The following ADGRE3 variants were observed in gnomAD, a reference collection of about 807,000 sequenced individuals.
ADGRE3 encodes the protein EGF-like module receptor 3.
In ADGRE3, 88 loss-of-function variants were observed where a neutral mutation model predicts 80.1. The observed-to-expected ratio is 1.10, with a 90% CI of 0.93 to 1.31. ADGRE3 has a LOEUF of 1.31. ADGRE3 is among the 40% of genes most tolerant of loss of function. The pLI, the probability that ADGRE3 is intolerant of heterozygous loss-of-function variation, is 0.00. For missense variants in ADGRE3, 715 were observed against 776.5 expected (o/e 0.92, Z 0.94); for synonymous variants, 281 against 294.8 (o/e 0.95, Z 0.48).
At chr19:14,663,153 A>G (rs961895767) in intron 3 of ADGRE3, among the ~76,000 whole-genome samples, 4 of 151,698 alleles carry the variant, frequency 2.6e-5, no homozygotes, top group African/African-American at 9.7e-5. Context: ...TAAGCGCCCC[A>G]CACCATGCCC....
At chr19:14,643,001 G>C (rs1220465530) in intron 9 of ADGRE3, among the ~76,000 whole-genome samples, 1 of 152,062 alleles carries the variant, frequency 6.6e-6, no homozygotes, top group African/African-American at 2.4e-5. Flanking sequence ...TTGAGAAAGT[G>C]ACATGCTGCT....
chr19:14,600,122 C>T, the ADGRE3 span: 1 of 1,613,978 alleles, frequency 6.2e-7, no homozygotes, highest in South Asian at 1.1e-5. Context: ...GGGATGAGGC[C>T]CGGATGTTCT....
At chr19:14,660,605 C>T (rs967917205) in intron 4 of ADGRE3, among the ~76,000 whole-genome samples, 21 of 148,172 alleles carry the variant, frequency 1.4e-4, no homozygotes, top group African/African-American at 4.9e-4. Context: ...GCCTGGGTGA[C>T]AGAGTGAGAC....
In ADGRE3 at chr19:14,633,714, AAAAT is replaced by A. The variant is rs1568479517; in HGVS notation, c.1485-416_1485-413del. On this transcript the variant is annotated intron_variant, in intron 11 of 15. Coordinates refer to ENST00000253673, the MANE Select transcript of ADGRE3 (RefSeq NM_032571.5). ...ACTGAGACTCCGTCTCAAAAAAAAT[AAAAT>A]AAAATAAAATAAAATAAAATAAAAT... 4.1e-3 allele frequency among the ~76,000 whole-genome samples: 422 copies of A among 102,760 alleles called. 21 individuals carry two copies. The highest frequency in any genetic ancestry group is 0.02 in the African/African-American group (408 of 20,356). The allele number at this position is 102,760 out of a possible 152,430, so 67.4% of individuals were successfully genotyped here.
At position 14,665,936 on chromosome 19, in the gene ADGRE3, GTATATATATATATATA is replaced by G. The variant is rs71309616; in HGVS notation, c.77-2412_77-2397del. The stretch of plus-strand genomic sequence containing the variant: ...ATATATTGCATATACACACATATGT[GTATATATATATATATA>G]TATATATATATATATATATATATAT... On this transcript the variant is annotated intron_variant, in intron 2 of 15. Transcript: ENST00000253673. Among the ~76,000 whole-genome samples the G allele has an allele frequency of 1.2e-3, 52 of 42,104 alleles. 3 individuals carry two copies. The highest frequency in any genetic ancestry group is 5.6e-3 in the South Asian group (7 of 1,246). The allele number at this position is 42,104 out of a possible 152,430, so 27.6% of individuals were successfully genotyped here.
At chr19:14,664,444 A>G (rs1972037588) in intron 2 of ADGRE3, among the ~76,000 whole-genome samples, 1 of 152,090 alleles carries the variant, frequency 6.6e-6, no homozygotes, top group Non-Finnish European at 1.5e-5. Flanking sequence ...GCCTGTTGAC[A>G]TCTGTAATTC....
downstream of ADGRE3, among the ~76,000 whole-genome samples, chr19:14,617,041 C>A (rs535855040): frequency 6.6e-6 from 1 of 151,792 alleles, no homozygotes; most frequent in South Asian, 2.1e-4. Context: ...GTGAACCACC[C>A]GCCTTGGCCT....
the ADGRE3 span, among the ~76,000 whole-genome samples, chr19:14,607,400 T>TCACC: frequency 2.7e-3 from 405 of 151,874 alleles, 1 homozygote; most frequent in African/African-American, 9.3e-3. Context: ...AGACGGGGTT[T>TCACC]CACCGTGTTA....
chr19:14,613,395 A>AT, the ADGRE3 span, among the ~76,000 whole-genome samples: 61,583 of 143,596 alleles, frequency 0.43, 13,307 homozygotes, highest in Non-Finnish European at 0.48. Context: ...GCTAATTTTA[A>AT]TTTTTTTTTT....
rs760970194 is a variant in ADGRE3, at chr19:14,647,239, C to G, written c.824G>C (p.Gly275Ala). 3.1e-6 allele frequency: 5 copies of G among 1,613,938 alleles called. No individual in the cohort carries two copies. The highest frequency in any genetic ancestry group is 3.4e-6 in the Non-Finnish European group (4 of 1,179,952). Residue 275 changes from glycine to alanine, a missense_variant, in exon 8 of 16, where the codon GGA (glycine) becomes GCA (alanine). Gly to Ala is a moderately conservative substitution (Grantham distance 60, BLOSUM62 0). Transcript: ENST00000253673. Reference protein sequence around the residue: ...LNSQVVSAAIGPKRNVSLSKS... With the variant: ...LNSQVVSAAIAPKRNVSLSKS... ...GGAGAGAGACACGTTCCTTTTGGGT[C>G]CAATAGCAGCACTCACAACCTGAGA...
chr19:14,636,338 G>C (rs915848293), intron 11 of ADGRE3, among the ~76,000 whole-genome samples: 1 of 149,504 alleles, frequency 6.7e-6, no homozygotes, highest in Admixed American at 6.8e-5. Flanking sequence ...TCCTGCTTCA[G>C]CTTCCTAAGT....
At chr19:14,627,536 C>A (rs536375675) in intron 14 of ADGRE3, among the ~76,000 whole-genome samples, 2 of 152,084 alleles carry the variant, frequency 1.3e-5, no homozygotes, top group Non-Finnish European at 2.9e-5. Context: ...TGCCACCACT[C>A]TCGGCTAATG....
At chr19:14,620,282 C>T (rs886938184) in intron 15 of ADGRE3, among the ~76,000 whole-genome samples, 1 of 151,320 alleles carries the variant, frequency 6.6e-6, no homozygotes, top group African/African-American at 2.4e-5. Flanking sequence ...AAACTCCTGA[C>T]CTCAAGCGAT....
At chr19:14,615,827 A>G (rs1009465980), downstream of ADGRE3, among the ~76,000 whole-genome samples, 16 of 151,776 alleles carry the variant, frequency 1.1e-4, no homozygotes, top group African/African-American at 3.9e-4. Context: ...TGGTGCAATC[A>G]TAGCTCACTG....
chr19:14,603,725 C>T, the ADGRE3 span, among the ~76,000 whole-genome samples: 20 of 152,186 alleles, frequency 1.3e-4, no homozygotes, highest in Middle Eastern at 3.4e-3. Flanking sequence ...CTTGACCTCC[C>T]GAAGTGCCGG....
intron 14 of ADGRE3, among the ~76,000 whole-genome samples, chr19:14,629,203 C>T (rs190131580): frequency 1.3e-5 from 2 of 152,136 alleles, no homozygotes; most frequent in African/African-American, 2.4e-5. Flanking sequence ...GGATTACAGG[C>T]GTGAGCCACT....
intron 7 of ADGRE3, among the ~76,000 whole-genome samples, chr19:14,650,184 T>A: frequency 7.4e-6 from 1 of 134,490 alleles, no homozygotes; most frequent in Non-Finnish European, 1.6e-5. Context: ...CTCTCCCCCA[T>A]CTCTCTCTTT....
rs562575959 is a variant in ADGRE3, at chr19:14,641,571, C to T, written c.1096G>A (p.Val366Ile). 76 of 1,614,172 alleles carry T rather than the reference C, an allele frequency of 4.7e-5. 1 individual carries two copies. The highest frequency in any genetic ancestry group is 1.6e-4 in the East Asian group (7 of 44,870). The stretch of plus-strand genomic sequence containing the variant: ...GCCAGGAGGAGGCACAGCAGAGAGA[C>T]GCTCAGCCCCACGTAGGTGATGACA... ...LTVITYVGLS[V>I]SLLCLLLAAL... The change falls in exon 10 of 16, where the codon GTC becomes ATC. Residue 366 changes from valine to isoleucine, a missense_variant. Coordinates refer to ENST00000253673, the MANE Select transcript of ADGRE3 (RefSeq NM_032571.5).
chr19:14,656,353 C>CAAAA (rs747939718), intron 5 of ADGRE3, among the ~76,000 whole-genome samples: 1 of 82,414 alleles, frequency 1.2e-5, no homozygotes, highest in African/African-American at 4.3e-5. Context: ...GACTCCATCT[C>CAAAA]AAAAAAAAAA....
Sources: allele counts gnomAD v4.1 joint callset (sites outside exome capture counted in the v4.1 genomes callset), GRCh38; gene constraint gnomAD v4.1.1; transcripts MANE v1.5; gene names NCBI Gene and HGNC (gene_info 2026-07-23, HGNC 2026-07-21).